Variants in DOC2B observed in about 807,000 individuals in gnomAD.
DOC2B encodes double C2 domain beta, also known as double C2-like domain-containing protein beta.
DOC2B carries 21 observed loss-of-function variants against 28.9 expected under a neutral mutation model. The observed-to-expected ratio is 0.73, with a 90% CI of 0.52 to 1.05. DOC2B has a LOEUF of 1.05. Among genes scored for constraint, DOC2B ranks in the 50% least tolerant of loss-of-function variants. The probability of loss-of-function intolerance (pLI) is 0.00; values close to 1 mark genes in which losing one functional copy is unlikely to be tolerated. For synonymous variants in DOC2B, 194 were observed against 178.1 expected, an observed-to-expected ratio of 1.09 and a Z score of -0.71; for missense variants, 384 against 421.1, an observed-to-expected ratio of 0.91 and a Z score of 0.77.
intron 2 of DOC2B, among the ~76,000 whole-genome samples, chr17:165,272 A>G (rs1368358093): frequency 6.6e-6 from 1 of 152,094 alleles, no homozygotes; most frequent in Non-Finnish European, 1.5e-5. Context: ...GCTTGAGCCC[A>G]GGAGTTCAAG....
At chr17:163,086 T>C (rs1388919037) in intron 3 of DOC2B, among the ~76,000 whole-genome samples, 2 of 152,152 alleles carry the variant, frequency 1.3e-5, no homozygotes, top group Non-Finnish European at 2.9e-5. Flanking sequence ...TCCCATTGCT[T>C]TCAGGAGCTG....
Position 181,018 on chromosome 17 carries a change from G to A in DOC2B, c.373+89C>T. 9.1e-7 allele frequency: 1 copy of A among 1,098,996 alleles called. No homozygotes were observed. The highest frequency in any genetic ancestry group is 1.1e-6 in the Non-Finnish European group (1 of 873,280). The allele number at this position is 1,098,996 out of a possible 1,614,324, so 68.1% of individuals were successfully genotyped here. On this transcript the variant is annotated intron_variant, in intron 1 of 8. Coordinates refer to ENST00000613549, the MANE Select transcript of DOC2B (RefSeq NM_003585.5). The surrounding 1 kb of genome is among the most constrained non-coding windows in gnomAD (Gnocchi z 7.0). ...CCGAGGCAGAGCGCGAGCGCGCGAG[G>A]GGGACCGGCGGAGGGAAGCCGCGAG...
intron 1 of DOC2B, among the ~76,000 whole-genome samples, chr17:176,399 G>GA (rs1176678213): frequency 6.6e-6 from 1 of 151,748 alleles, no homozygotes; most frequent in Non-Finnish European, 1.5e-5. Flanking sequence ...GGTGCGGGGG[G>GA]TGCGGGGGGG....
intron 5 of DOC2B, among the ~76,000 whole-genome samples, chr17:158,509 C>T (rs1452725537): frequency 6.6e-6 from 1 of 152,218 alleles, no homozygotes; most frequent in Admixed American, 6.5e-5. Flanking sequence ...ACATGCCCCA[C>T]CAGCCACCTT....
At chr17:176,182 C>T (rs2040367678) in intron 1 of DOC2B, among the ~76,000 whole-genome samples, 2 of 151,580 alleles carry the variant, frequency 1.3e-5, no homozygotes. Flanking sequence ...CCCTTAAAGC[C>T]TACTGGCTCC....
intron 5 of DOC2B, among the ~76,000 whole-genome samples, chr17:158,090 C>T (rs1395123648): frequency 1.3e-5 from 2 of 152,156 alleles, no homozygotes; most frequent in African/African-American, 4.8e-5. Flanking sequence ...GGAGCCCATC[C>T]AGTGCCTTCC....
chr17:152,073 GCCA>G (rs1016179064), intron 6 of DOC2B, among the ~76,000 whole-genome samples: 14 of 152,160 alleles, frequency 9.2e-5, no homozygotes, highest in Admixed American at 3.3e-4. Context: ...AGTGGTCCTG[GCCA>G]CCGGGGCTCA....
In DOC2B at chr17:181,184, C is replaced by T. The variant is rs1171986339; in HGVS notation, c.296G>A (p.Gly99Asp). ...AYGSSPGPSP[G>D]PSPARPPAKP... ...GGCTGGCGGCCGCGCGGGGCTGGGA[C>T]CCGGGCTGGGGCCCGGGCTGGAGCC... Residue 99 changes from glycine (G) to aspartate (D), a missense_variant, in exon 1 of 9, where the codon GGT becomes GAT. Transcript: ENST00000613549. This position sits in a 1 kb window ranked among gnomAD's most constrained non-coding sequence, Gnocchi z 7.0. 8.0e-7 allele frequency: 1 copy of T among 1,245,026 alleles called. No individual in the cohort carries two copies. 77.1% of individuals were successfully genotyped at this position (1,245,026 alleles called of 1,614,324 possible).
At chr17:166,528 C>T (rs2040267347) in intron 2 of DOC2B, among the ~76,000 whole-genome samples, 1 of 152,260 alleles carries the variant, frequency 6.6e-6, no homozygotes. Flanking sequence ...GAGTTGTACT[C>T]CCATAATTCC....
chr17:147,642 GC>G (rs1252305944), intron 8 of DOC2B, 65 bp from the exon 9 acceptor site: 2 of 398,674 alleles, frequency 5.0e-6, no homozygotes, highest in Non-Finnish European at 8.8e-6. Context: ...TGGGGCCCAT[GC>G]CCCCTCCCAG....
intron 6 of DOC2B, among the ~76,000 whole-genome samples, chr17:151,400 T>A (rs1250427073): frequency 6.6e-6 from 1 of 152,206 alleles, no homozygotes; most frequent in Non-Finnish European, 1.5e-5. Context: ...TGCAGTATAT[T>A]TACCAGTTCA....
At chr17:179,108 C>A (rs1018335038) in intron 1 of DOC2B, among the ~76,000 whole-genome samples, 1 of 152,242 alleles carries the variant, frequency 6.6e-6, no homozygotes, top group Non-Finnish European at 1.5e-5. Flanking sequence ...GGCACACCGT[C>A]CTCCTTAGCT....
intron 1 of DOC2B, among the ~76,000 whole-genome samples, chr17:177,077 T>TA (rs5818740): frequency 3.1e-4 from 44 of 143,622 alleles, no homozygotes; most frequent in Non-Finnish European, 5.5e-4. Context: ...TCAAATACTT[T>TA]AAAAAAAACA....
At chr17:154,549 G>C (rs963657385) in intron 6 of DOC2B, among the ~76,000 whole-genome samples, 1 of 152,194 alleles carries the variant, frequency 6.6e-6, no homozygotes, top group Non-Finnish European at 1.5e-5. Context: ...ACTTTTGGCT[G>C]TTGTGGATAG....
intron 2 of DOC2B, among the ~76,000 whole-genome samples, chr17:166,236 A>G (rs2040263229): frequency 6.6e-6 from 1 of 152,232 alleles, no homozygotes; most frequent in South Asian, 2.1e-4. Flanking sequence ...CTGTGCTGCC[A>G]CCAACTTCTG....
chr17:157,189 G>A lies in DOC2B; in HGVS notation c.766-812C>T, dbSNP rs572285255. ...ACCAGGTCCTCCTCACAGCCCGCCC[G>A]GACTTTCCCTTGGCTTTGAAGCCGG... On this transcript the variant is annotated intron_variant, in intron 5 of 8. Transcript: ENST00000613549. Among the ~76,000 whole-genome samples, 263 of 152,322 alleles carry A rather than the reference G, an allele frequency of 1.7e-3. 3 individuals carry two copies. Among genetic ancestry groups the A allele is most frequent in the Non-Finnish European group, 2.6e-3 (174 of 68,030 alleles).
chr17:172,441 C>T (rs2040323119), intron 2 of DOC2B, 96 bp downstream of exon 2: 34 of 1,007,078 alleles, frequency 3.4e-5, no homozygotes, highest in Non-Finnish European at 4.5e-5. Flanking sequence ...AAAGCCTGGA[C>T]AGGAACCTGG....
At chr17:157,617 A>AT (rs1555522738) in intron 5 of DOC2B, among the ~76,000 whole-genome samples, 19 of 151,882 alleles carry the variant, frequency 1.3e-4, no homozygotes, top group Non-Finnish European at 7.4e-5. Context: ...TAATTTTTCT[A>AT]TTTTTTGGTA....
intron 6 of DOC2B, among the ~76,000 whole-genome samples, chr17:150,717 A>G (rs2040063289): frequency 6.6e-6 from 1 of 152,240 alleles, no homozygotes; most frequent in Non-Finnish European, 1.5e-5. Context: ...ATGTCCACAC[A>G]AAAACCTGTT....
Sources: gnomAD v4.1 joint callset for allele counts (sites outside exome capture counted in the v4.1 genomes callset) on GRCh38, gnomAD v4.1.1 for gene constraint, Gnocchi (gnomAD v3.1) non-coding constraint, MANE v1.5 for transcripts, NCBI Gene and HGNC (gene_info 2026-07-23, HGNC 2026-07-21) for gene names.